The following EVC2 variants were observed in gnomAD, a reference collection of about 807,000 sequenced individuals.
EVC2 encodes the protein EvC ciliary complex subunit 2, also known as limbin.
EVC2 carries 148 observed loss-of-function variants against 149.3 expected under a neutral mutation model. The ratio of observed to expected loss-of-function variants is 0.99; its 90% confidence interval spans 0.87 to 1.14. The LOEUF (loss-of-function observed/expected upper bound fraction) is 1.14. EVC2 is among the 50% of genes most tolerant of loss of function. The pLI is 0.00. For synonymous variants in EVC2, 776 were observed against 649.9 expected, an observed-to-expected ratio of 1.19 and a Z score of -2.95; for missense variants, 1,854 against 1,627.3, an observed-to-expected ratio of 1.14 and a Z score of -2.40.
rs1716893751 is a variant in EVC2 at position 5,636,408 on chromosome 4, CTG to C, written c.1470+4104_1470+4105del. Among the ~76,000 whole-genome samples, 2 of 152,232 alleles carry C rather than the reference CTG, an allele frequency of 1.3e-5. No homozygotes were observed. Among genetic ancestry groups the C allele is most frequent in the African/African-American group, 4.8e-5 (2 of 41,458 alleles). On this transcript the variant is annotated intron_variant, in intron 10 of 21. Transcript: ENST00000344408. This position sits in a 1 kb window ranked among gnomAD's most constrained non-coding sequence, Gnocchi z 4.6. ...ATAACCACCTGCAGGTCAAAAATTTCTGTGTGTATTGAACACATACAGACTAT... is the reference window on the plus strand; with the variant it reads ...ATAACCACCTGCAGGTCAAAAATTTCTGTGTATTGAACACATACAGACTAT...
intron 15 of EVC2, among the ~76,000 whole-genome samples, 170 bp from the exon 16 acceptor site, chr4:5,615,714 C>G (rs1325433684): frequency 1.3e-5 from 2 of 152,186 alleles, no homozygotes; most frequent in Non-Finnish European, 2.9e-5. Flanking sequence ...GGAAGGAGCT[C>G]AGTTTCAGAG....
In EVC2 at chr4:5,685,426, C is replaced by G; in HGVS notation, c.760G>C (p.Gly254Arg). ...YAATLQAGDL[G>R]NGESLKLPAQ... ...GGAAGCTTGAGGCTCTCCCCGTTCC[C>G]GAGGTCTCCAGCCTGGAGCGTGGCT... Residue 254 changes from glycine to arginine, a missense_variant, in exon 6 of 22, where the codon GGG (glycine) becomes CGG (arginine). By Grantham distance (125) the Gly-to-Arg change is moderately radical. Transcript: ENST00000344408. The G allele has an allele frequency of 6.2e-7, 1 of 1,614,202 alleles. No homozygotes were observed. Among genetic ancestry groups the G allele is most frequent in the Non-Finnish European group, 8.5e-7 (1 of 1,180,044 alleles).
intron 16 of EVC2, among the ~76,000 whole-genome samples, chr4:5,608,814 T>C (rs2108819665): frequency 6.6e-6 from 1 of 152,276 alleles, no homozygotes; most frequent in Non-Finnish European, 1.5e-5. Flanking sequence ...ATTACAGGCA[T>C]GAGCCACGGT....
At chr4:5,697,042 C>A (rs996522630) in intron 2 of EVC2, among the ~76,000 whole-genome samples, 3 of 152,150 alleles carry the variant, frequency 2.0e-5, no homozygotes, top group African/African-American at 2.4e-5. Context: ...TACTGAGGCA[C>A]GATGCCATGC....
intron 1 of EVC2, among the ~76,000 whole-genome samples, chr4:5,702,775 C>G (rs1174867633): frequency 1.3e-5 from 2 of 152,126 alleles, no homozygotes; most frequent in Non-Finnish European, 2.9e-5. Flanking sequence ...CTTGTAGAGC[C>G]TAGACACCGA....
chr4:5,606,890 G>C (rs1714435823), intron 16 of EVC2, among the ~76,000 whole-genome samples: 1 of 152,144 alleles, frequency 6.6e-6, no homozygotes, highest in Non-Finnish European at 1.5e-5. Flanking sequence ...CGTTAAGGTG[G>C]AGAAAGGTTA....
chr4:5,598,263 C>G (rs1430135768), intron 16 of EVC2, among the ~76,000 whole-genome samples: 7 of 151,942 alleles, frequency 4.6e-5, no homozygotes, highest in Admixed American at 1.3e-4. Flanking sequence ...ATCGCCAAGT[C>G]AATCCTAAGC....
In EVC2 at chr4:5,569,982, G is replaced by T. The variant is rs563964694; in HGVS notation, c.3361-1342C>A. ...ACCCATGAGCTTCCTTCAGCCTAGA[G>T]TACATTTCTCCTAAGCTACTCTCTG... is the stretch of plus-strand genomic sequence containing the variant. On this transcript the variant is annotated intron_variant, in intron 19 of 21. Coordinates refer to ENST00000344408, the MANE Select transcript of EVC2 (RefSeq NM_147127.5). This position sits in a 1 kb window ranked among gnomAD's most constrained non-coding sequence, Gnocchi z 4.8. Among the ~76,000 whole-genome samples, 81 of 152,256 alleles carry T rather than the reference G, an allele frequency of 5.3e-4. No homozygotes were observed. The highest frequency in any genetic ancestry group is 1.7e-3 in the African/African-American group (71 of 41,554).
rs779047633 is a variant in EVC2, at chr4:5,568,555, G to A, written c.3446C>T (p.Thr1149Ile). ...GGCCAGCAGCTGAGGCTGTGAGGCT[G>A]TGGGCAGTACCACACTCAGGAGCCG... ...LRRLLSVVLP[T>I]ASQPQLLALL... The change falls in exon 20 of 22, where the codon ACA becomes ATA. Residue 1149 changes from threonine to isoleucine, a missense_variant. Transcript: ENST00000344408. The A allele has an allele frequency of 2.5e-6, 4 of 1,605,136 alleles. No homozygotes were observed. Among genetic ancestry groups the A allele is most frequent in the South Asian group, 2.2e-5 (2 of 89,250 alleles).
chr4:5,558,392 G>C (rs1173313551), downstream of EVC2, among the ~76,000 whole-genome samples: 1 of 152,188 alleles, frequency 6.6e-6, no homozygotes, highest in Non-Finnish European at 1.5e-5. Context: ...AACGTGTGGA[G>C]CACAGGAAGT....
At chr4:5,580,142 T>C (rs1711627794) in intron 17 of EVC2, among the ~76,000 whole-genome samples, 1 of 152,240 alleles carries the variant, frequency 6.6e-6, no homozygotes, top group Non-Finnish European at 1.5e-5. Flanking sequence ...GCTTTTTTAA[T>C]TCTCCTGAAT....
intron 10 of EVC2, among the ~76,000 whole-genome samples, chr4:5,638,003 G>C (rs956881130): frequency 5.3e-5 from 8 of 152,046 alleles, no homozygotes; most frequent in Non-Finnish European, 7.4e-5. Context: ...AAACAAGCTG[G>C]GTAAGATTGG....
chr4:5,587,615 C>T (rs536606546), intron 16 of EVC2, among the ~76,000 whole-genome samples: 5 of 152,126 alleles, frequency 3.3e-5, no homozygotes, highest in African/African-American at 7.2e-5. Context: ...CCTCAGACAC[C>T]GAGTTAAAGA....
At chr4:5,590,011 C>T (rs1470964920) in intron 16 of EVC2, among the ~76,000 whole-genome samples, 1 of 152,038 alleles carries the variant, frequency 6.6e-6, no homozygotes, top group Non-Finnish European at 1.5e-5. Context: ...AAAGTCATGA[C>T]AATATTGGCA....
intron 16 of EVC2, among the ~76,000 whole-genome samples, chr4:5,589,665 A>ATT (rs112204720): frequency 5.3e-5 from 8 of 151,778 alleles, no homozygotes; most frequent in Admixed American, 2.0e-4. Context: ...GAATTCCTTT[A>ATT]TTTTTTATTT....
chr4:5,701,970 C>A lies in EVC2; in HGVS notation c.229-4323G>T, dbSNP rs368063029. Among the ~76,000 whole-genome samples the A allele has an allele frequency of 9.6e-4, 146 of 152,226 alleles. 1 individual carries two copies. The East Asian group carries it at 0.02, about 21-fold the overall frequency. On this transcript the variant is annotated intron_variant, in intron 1 of 21. Transcript: ENST00000344408. ...CCAGCTCCCCTCCATAGCCCCCTGG[C>A]CTCCCGCCTGCCTGCTTGCCACTTT...
intron 21 of EVC2, among the ~76,000 whole-genome samples, chr4:5,548,405 G>A (rs1219978214): frequency 6.7e-6 from 1 of 149,940 alleles, no homozygotes; most frequent in Admixed American, 6.8e-5. Flanking sequence ...CATCTAGGAT[G>A]ACCAAGCAGA....
chr4:5,588,754 T>C (rs1712524755), intron 16 of EVC2, among the ~76,000 whole-genome samples: 2 of 152,330 alleles, frequency 1.3e-5, no homozygotes, highest in African/African-American at 4.8e-5. Context: ...TAGATATATC[T>C]TTTTACATCT....
intron 7 of EVC2, among the ~76,000 whole-genome samples, chr4:5,666,431 T>A (rs573768223): frequency 2.8e-4 from 42 of 152,336 alleles, no homozygotes; most frequent in African/African-American, 9.6e-4. Flanking sequence ...TTCTCACACT[T>A]TATCAATTAT....
Sources: allele counts gnomAD v4.1 joint callset (sites outside exome capture counted in the v4.1 genomes callset), GRCh38; gene constraint gnomAD v4.1.1; non-coding constraint Gnocchi (gnomAD v3.1); transcripts MANE v1.5; gene names NCBI Gene and HGNC (gene_info 2026-07-23, HGNC 2026-07-21).